Variants in VWA8 observed in about 807,000 individuals in gnomAD.
The protein encoded by VWA8 is von Willebrand factor A domain-containing protein 8.
Under a neutral mutation model 241.5 loss-of-function variants are expected in VWA8, and 221 were observed. The ratio of observed to expected loss-of-function variants is 0.91; its 90% CI spans 0.82 to 1.02. The LOEUF is 1.02. VWA8 is among the 50% of genes least tolerant of loss of function. VWA8 has a pLI of 0.00. For missense variants in VWA8, 2,322 were observed against 2,328.7 expected (o/e 1.00, Z 0.06); for synonymous variants, 852 against 827.1 (o/e 1.03, Z -0.52).
intron 21 of VWA8, among the ~76,000 whole-genome samples, chr13:41,749,391 C>T (rs2045636095): frequency 6.6e-6 from 1 of 152,156 alleles, no homozygotes; most frequent in Admixed American, 6.6e-5. Flanking sequence ...AATAGGAACA[C>T]TTTACACTGT....
intron 12 of VWA8, among the ~76,000 whole-genome samples, chr13:41,853,482 T>C (rs906661564): frequency 1.3e-5 from 2 of 152,166 alleles, no homozygotes; most frequent in African/African-American, 2.4e-5. Context: ...TTTGGTACAA[T>C]TCACAGGTTA....
At chr13:41,637,463 A>C (rs1038411201) in intron 37 of VWA8, among the ~76,000 whole-genome samples, 1 of 151,326 alleles carries the variant, frequency 6.6e-6, no homozygotes, top group Non-Finnish European at 1.5e-5. Flanking sequence ...ACCTAATGCT[A>C]AATGACGAGT....
chr13:41,714,927 A>T (rs899560874), intron 26 of VWA8, among the ~76,000 whole-genome samples: 5 of 151,930 alleles, frequency 3.3e-5, no homozygotes, highest in African/African-American at 1.2e-4. Context: ...AACTATTGAT[A>T]ATTTTCAGTA....
intron 14 of VWA8, among the ~76,000 whole-genome samples, chr13:41,820,119 G>A (rs1346251968): frequency 6.6e-6 from 1 of 152,060 alleles, no homozygotes; most frequent in Non-Finnish European, 1.5e-5. Context: ...GGAAAACCTA[G>A]AAACCCTGTA....
At chr13:41,597,120 T>C (rs961128154) in intron 40 of VWA8, among the ~76,000 whole-genome samples, 4 of 152,236 alleles carry the variant, frequency 2.6e-5, no homozygotes, top group East Asian at 3.9e-4. Flanking sequence ...TACAGGATCA[T>C]CAAGAAATAT....
intron 2 of VWA8, chr13:41,925,856 G>T: frequency 3.1e-6 from 1 of 324,596 alleles, no homozygotes; most frequent in South Asian, 3.9e-5. Flanking sequence ...TTTATCAACT[G>T]AATGTCAATG....
chr13:41,568,784 C>T (rs191103578), intron 44 of VWA8, among the ~76,000 whole-genome samples: 1 of 152,182 alleles, frequency 6.6e-6, no homozygotes, highest in African/African-American at 2.4e-5. Context: ...TTCTTTGCCT[C>T]TCTCTCTTTT....
At chr13:41,755,861 G>A (rs2045690982) in intron 21 of VWA8, among the ~76,000 whole-genome samples, 1 of 151,692 alleles carries the variant, frequency 6.6e-6, no homozygotes, top group South Asian at 2.1e-4. Context: ...AGCTTCAAAT[G>A]AGCATACTAT....
intron 4 of VWA8, among the ~76,000 whole-genome samples, chr13:41,895,160 G>A (rs911784954): frequency 5.9e-5 from 9 of 151,768 alleles, no homozygotes; most frequent in Non-Finnish European, 1.0e-4. Flanking sequence ...AACATGGTAG[G>A]GCCTACAAGT....
At chr13:41,666,748 C>T (rs1028095206) in intron 37 of VWA8, among the ~76,000 whole-genome samples, 15 of 152,010 alleles carry the variant, frequency 9.9e-5, no homozygotes, top group Non-Finnish European at 1.9e-4. Flanking sequence ...TGGGACTTCT[C>T]TAATAGGAAT....
chr13:41,828,326 C>A (rs1482813022), intron 14 of VWA8, among the ~76,000 whole-genome samples: 1 of 151,932 alleles, frequency 6.6e-6, no homozygotes, highest in Non-Finnish European at 1.5e-5. Flanking sequence ...GGCAGTAAAC[C>A]CTTTGAGTGG....
chr13:41,734,296 C>T (rs2045508273), intron 21 of VWA8, among the ~76,000 whole-genome samples: 1 of 152,108 alleles, frequency 6.6e-6, no homozygotes, highest in African/African-American at 2.4e-5. Flanking sequence ...TGAGATAGCA[C>T]CACGGCAGTC....
chr13:41,742,766 C>T (rs548993227), intron 21 of VWA8, among the ~76,000 whole-genome samples: 9 of 152,274 alleles, frequency 5.9e-5, no homozygotes, highest in Admixed American at 2.6e-4. Flanking sequence ...AAAGAACTCA[C>T]AAACACATGA....
At chr13:41,866,130 T>C (rs1873289194) in intron 10 of VWA8, 94 bp from the exon 11 acceptor site, 1 of 1,504,366 alleles carries the variant, frequency 6.6e-7, no homozygotes, top group Admixed American at 2.0e-5. Flanking sequence ...GGCAGATCAC[T>C]TGAGGTTAGT....
At chr13:41,712,025 T>C (rs955340868) in intron 26 of VWA8, among the ~76,000 whole-genome samples, 1 of 151,970 alleles carries the variant, frequency 6.6e-6, no homozygotes, top group Non-Finnish European at 1.5e-5. Context: ...CTCACTCATA[T>C]GTGGGAGCTA....
intron 2 of VWA8, among the ~76,000 whole-genome samples, chr13:41,919,656 C>T (rs1378532833): frequency 6.6e-6 from 1 of 152,086 alleles, no homozygotes; most frequent in Non-Finnish European, 1.5e-5. Flanking sequence ...ATTGGTGTAC[C>T]CTGCCCTTCA....
chr13:41,619,730 T>C (rs560900142), intron 37 of VWA8, among the ~76,000 whole-genome samples: 5 of 152,348 alleles, frequency 3.3e-5, no homozygotes, highest in African/African-American at 9.6e-5. Context: ...GAGATAATCA[T>C]GTGATTTTTG....
intron 34 of VWA8, 84 bp downstream of exon 34, chr13:41,689,269 AT>A: frequency 1.5e-6 from 2 of 1,371,730 alleles, no homozygotes; most frequent in South Asian, 1.7e-5. Context: ...TATGTTTTTA[AT>A]TACCCCTCAA....
chr13:41,855,444 AAGAG>A (rs1872710498), intron 12 of VWA8, among the ~76,000 whole-genome samples: 1 of 149,390 alleles, frequency 6.7e-6, no homozygotes, highest in Admixed American at 6.7e-5. Flanking sequence ...CTGTAGAAGA[AAGAG>A]AAATACTGAT....
Sources: gnomAD v4.1 joint callset for allele counts (sites outside exome capture counted in the v4.1 genomes callset) on GRCh38, gnomAD v4.1.1 for gene constraint, MANE v1.5 for transcripts, NCBI Gene and HGNC (gene_info 2026-07-23, HGNC 2026-07-21) for gene names.